The following UNC13C variants were observed in gnomAD, a reference collection of about 807,000 sequenced individuals.
The protein encoded by UNC13C is protein unc-13 homolog C.
UNC13C carries 174 observed loss-of-function variants against 245.4 expected under a neutral mutation model. The observed-to-expected ratio is 0.71, with a 90% CI of 0.63 to 0.80. The LOEUF (loss-of-function observed/expected upper bound fraction) is 0.80. Among genes scored for constraint, UNC13C ranks in the 30% least tolerant of loss-of-function variants. The pLI is 0.00. For synonymous variants in UNC13C, 992 were observed against 895.1 expected (o/e 1.11, Z -1.93); for missense variants, 2,829 against 2,602.9 (o/e 1.09, Z -1.89).
At chr15:54,263,941 G>T (rs377673320) in intron 8 of UNC13C, among the ~76,000 whole-genome samples, 1 of 152,134 alleles carries the variant, frequency 6.6e-6, no homozygotes, top group Admixed American at 6.6e-5. Context: ...CAAAAGAAAA[G>T]CCTGGGAATC....
At chr15:54,288,816 C>T (rs1173830122) in intron 10 of UNC13C, among the ~76,000 whole-genome samples, 2 of 152,046 alleles carry the variant, frequency 1.3e-5, no homozygotes, top group South Asian at 2.1e-4. Context: ...CAAGTAACCA[C>T]GTAAGCCTGG....
chr15:54,355,955 G>C (rs144911005), intron 17 of UNC13C, among the ~76,000 whole-genome samples: 2,346 of 152,174 alleles, frequency 0.015, 26 homozygotes, highest in Non-Finnish European at 0.022. Flanking sequence ...ACAGATATAT[G>C]AATCACCTTT....
chr15:54,340,696 G>T (rs531192781), intron 17 of UNC13C, among the ~76,000 whole-genome samples: 1 of 152,242 alleles, frequency 6.6e-6, no homozygotes, highest in East Asian at 1.9e-4. Flanking sequence ...TGGCCTTACA[G>T]TATAATTTGA....
intron 4 of UNC13C, among the ~76,000 whole-genome samples, chr15:54,167,090 C>T (rs543858741): frequency 6.6e-6 from 1 of 152,138 alleles, no homozygotes; most frequent in African/African-American, 2.4e-5. Flanking sequence ...TATTATAAAG[C>T]TACAATAATC....
At chr15:54,084,213 CAGT>C (rs1899113153) in intron 2 of UNC13C, among the ~76,000 whole-genome samples, 1 of 152,208 alleles carries the variant, frequency 6.6e-6, no homozygotes, top group Admixed American at 6.5e-5. Flanking sequence ...CGTCCATTCA[CAGT>C]AACTGTGATC....
At chr15:54,323,841 A>G (rs574498751) in intron 14 of UNC13C, among the ~76,000 whole-genome samples, 1 of 152,188 alleles carries the variant, frequency 6.6e-6, no homozygotes, top group Admixed American at 6.5e-5. Context: ...CCGTCTGTGT[A>G]TATTGTGAAG....
chr15:54,050,215 AC>A (rs1897218285), intron 2 of UNC13C: 1 of 524,462 alleles, frequency 1.9e-6, no homozygotes, highest in Non-Finnish European at 3.8e-6. Context: ...CAGGTGATCC[AC>A]CCACCTCAGC....
At chr15:54,129,133 T>C (rs747595534) in intron 2 of UNC13C, among the ~76,000 whole-genome samples, 1 of 152,206 alleles carries the variant, frequency 6.6e-6, no homozygotes, top group Non-Finnish European at 1.5e-5. Flanking sequence ...TAGTTGCGTT[T>C]AGTGGGAGTA....
chr15:53,986,605 T>C (rs1300063670), intron 1 of UNC13C, among the ~76,000 whole-genome samples: 1 of 152,060 alleles, frequency 6.6e-6, no homozygotes, highest in Non-Finnish European at 1.5e-5. Context: ...ACACTAGATA[T>C]GGTTTTTAAA....
chr15:54,582,726 C>A (rs1182735578), intron 30 of UNC13C, among the ~76,000 whole-genome samples: 2 of 152,084 alleles, frequency 1.3e-5, no homozygotes, highest in Non-Finnish European at 2.9e-5. Flanking sequence ...ATGAACTGGG[C>A]CAACTAGCCA....
intron 30 of UNC13C, among the ~76,000 whole-genome samples, chr15:54,598,284 A>G (rs1451962816): frequency 4.6e-5 from 7 of 152,192 alleles, no homozygotes; most frequent in Non-Finnish European, 1.0e-4. Context: ...TAGTAGACAC[A>G]GGGTTTCACC....
intron 8 of UNC13C, among the ~76,000 whole-genome samples, chr15:54,250,749 C>CTTTCTTT (rs1475632016): frequency 6.8e-5 from 6 of 88,874 alleles, no homozygotes; most frequent in African/African-American, 2.0e-4. Flanking sequence ...TTCTTTCTTT[C>CTTTCTTT]TTTTTTTTTT....
At chr15:54,402,805 A>C (rs1331661359) in intron 18 of UNC13C, among the ~76,000 whole-genome samples, 1 of 152,186 alleles carries the variant, frequency 6.6e-6, no homozygotes, top group African/African-American at 2.4e-5. Context: ...ATGTTAACAA[A>C]AGGATCCCAT....
chr15:54,055,599 C>G (rs1897475523), intron 2 of UNC13C, among the ~76,000 whole-genome samples: 1 of 152,116 alleles, frequency 6.6e-6, no homozygotes, highest in Non-Finnish European at 1.5e-5. Context: ...CTTTTTCTTA[C>G]CATCAGTATG....
chr15:54,422,336 G>A (rs965836146), intron 19 of UNC13C, among the ~76,000 whole-genome samples: 7 of 151,958 alleles, frequency 4.6e-5, no homozygotes, highest in African/African-American at 1.7e-4. Flanking sequence ...AGCCCTCTAA[G>A]TAGTTTGCAC....
intron 2 of UNC13C, among the ~76,000 whole-genome samples, chr15:54,118,824 G>T (rs1335046876): frequency 1.3e-5 from 2 of 149,772 alleles, no homozygotes; most frequent in Admixed American, 6.6e-5. Context: ...TCTATACTCT[G>T]TTTGTTGCGG....
At chr15:54,392,413 A>G (rs2039977770) in intron 17 of UNC13C, among the ~76,000 whole-genome samples, 1 of 152,060 alleles carries the variant, frequency 6.6e-6, no homozygotes, top group Admixed American at 6.6e-5. Flanking sequence ...ATTTTAAAAA[A>G]AGGAAAAAAA....
At chr15:53,922,530 C>T in the UNC13C span, among the ~76,000 whole-genome samples, 1 of 152,168 alleles carries the variant, frequency 6.6e-6, no homozygotes, top group Non-Finnish European at 1.5e-5. Flanking sequence ...TTCGTACTTA[C>T]CTCCATTCTT....
At chr15:54,058,276 G>A (rs1296052174) in intron 2 of UNC13C, among the ~76,000 whole-genome samples, 2 of 151,930 alleles carry the variant, frequency 1.3e-5, no homozygotes, top group African/African-American at 2.4e-5. Context: ...ATGACAAAGG[G>A]GATGTCACCA....
Sources: gnomAD v4.1 joint callset for allele counts (sites outside exome capture counted in the v4.1 genomes callset) on GRCh38, gnomAD v4.1.1 for gene constraint, MANE v1.5 for transcripts, NCBI Gene and HGNC (gene_info 2026-07-23, HGNC 2026-07-21) for gene names.